CCDC12: variants seen among roughly 807,000 people sequenced by gnomAD.
CCDC12 encodes coiled-coil domain-containing protein 12.
A neutral mutation model predicts 25.7 loss-of-function variants in CCDC12; 28 were observed. The ratio of observed to expected loss-of-function variants is 1.09; its 90% CI spans 0.81 to 1.50. The LOEUF (loss-of-function observed/expected upper bound fraction) is 1.50, where lower values mean the gene tolerates loss of function less well. Ranked by LOEUF, CCDC12 falls within the 40% of genes most tolerant of loss-of-function variation. The pLI is 0.00. For missense variants in CCDC12, 198 were observed against 210.0 expected, an observed-to-expected ratio of 0.94 and a Z score of 0.35; for synonymous variants, 75 against 87.7, an observed-to-expected ratio of 0.86 and a Z score of 0.81.
At chr3:46,936,428 T>C (rs1174074977) in intron 2 of CCDC12, among the ~76,000 whole-genome samples, 2 of 152,278 alleles carry the variant, frequency 1.3e-5, no homozygotes, top group Admixed American at 1.3e-4. Flanking sequence ...GCCTTCCTTC[T>C]GCCCAGAGCC....
chr3:46,925,663 A>T (rs1347090485), intron 2 of CCDC12, 128 bp from the exon 3 acceptor site: 21 of 801,388 alleles, frequency 2.6e-5, no homozygotes, highest in Non-Finnish European at 3.5e-5. Flanking sequence ...ATAGCCTGGT[A>T]AGGAGGAGAA....
intron 2 of CCDC12, 95 bp from the exon 3 acceptor site, chr3:46,925,630 A>T (rs1174010220): frequency 2.9e-6 from 3 of 1,043,900 alleles, no homozygotes; most frequent in African/African-American, 3.2e-5. Context: ...TGAATTCCTG[A>T]ATTTCCTCTG....
At chr3:46,962,210 G>A (rs1345730638) in intron 1 of CCDC12, among the ~76,000 whole-genome samples, 1 of 152,024 alleles carries the variant, frequency 6.6e-6, no homozygotes, top group Admixed American at 6.6e-5. Context: ...GAGGGGGGTG[G>A]ATCATCTGAG....
chr3:46,927,114 G>C (rs1325868382), intron 2 of CCDC12, among the ~76,000 whole-genome samples: 1 of 152,130 alleles, frequency 6.6e-6, no homozygotes, highest in African/African-American at 2.4e-5. Flanking sequence ...TGGAGCCTTG[G>C]GGCTGGGCTG....
chr3:46,979,861 C>T (rs1214416565), upstream of CCDC12: 4 of 468,478 alleles, frequency 8.5e-6, no homozygotes, highest in South Asian at 1.5e-4. Context: ...CGGGCCGGGC[C>T]ATGGCCGCCT....
chr3:46,944,082 T>C (rs943663018), intron 1 of CCDC12, among the ~76,000 whole-genome samples: 2 of 152,150 alleles, frequency 1.3e-5, no homozygotes, highest in African/African-American at 4.8e-5. Flanking sequence ...AGCTCACCCC[T>C]ACCTGAGAGA....
intron 2 of CCDC12, among the ~76,000 whole-genome samples, chr3:46,938,518 G>GTTTTTTTTT (rs66474878): frequency 3.3e-5 from 3 of 91,380 alleles, no homozygotes; most frequent in Non-Finnish European, 6.1e-5. Context: ...TTCCCCTCCT[G>GTTTTTTTTT]TTTTTTTTTT....
At chr3:46,975,815 G>C (rs181512301) in intron 1 of CCDC12, among the ~76,000 whole-genome samples, 92 of 141,300 alleles carry the variant, frequency 6.5e-4, no homozygotes, top group Middle Eastern at 4.6e-3. Context: ...GTGAGCCACC[G>C]CGCCCGGCTA....
chr3:46,973,708 G>A (rs1247199305), intron 1 of CCDC12, among the ~76,000 whole-genome samples: 1 of 148,002 alleles, frequency 6.8e-6, no homozygotes, highest in African/African-American at 2.5e-5. Context: ...CGCCTCCCAG[G>A]TTCACGTCAT....
At chr3:46,977,869 G>A (rs949999366), upstream of CCDC12, among the ~76,000 whole-genome samples, 4 of 152,230 alleles carry the variant, frequency 2.6e-5, no homozygotes, top group African/African-American at 9.6e-5. Context: ...TGGCTACCCA[G>A]CAGAAGCTGC....
chr3:46,927,289 G>A (rs2033003653), intron 2 of CCDC12, among the ~76,000 whole-genome samples: 1 of 152,182 alleles, frequency 6.6e-6, no homozygotes, highest in South Asian at 2.1e-4. Context: ...GACAAAGTGG[G>A]GCATGACTGG....
At chr3:46,942,854 T>C (rs762843950) in intron 1 of CCDC12, among the ~76,000 whole-genome samples, 3 of 151,824 alleles carry the variant, frequency 2.0e-5, no homozygotes, top group African/African-American at 2.4e-5. Context: ...CTGGGCAGAA[T>C]TGGGTGATAC....
intron 1 of CCDC12, among the ~76,000 whole-genome samples, chr3:46,975,471 C>T (rs570627106): frequency 6.6e-6 from 1 of 151,856 alleles, no homozygotes; most frequent in Non-Finnish European, 1.5e-5. Context: ...AGCCATTGTG[C>T]CCGGCCCTCG....
intron 1 of CCDC12, among the ~76,000 whole-genome samples, chr3:46,950,859 G>A (rs182927496): frequency 1.3e-5 from 2 of 152,222 alleles, no homozygotes; most frequent in Admixed American, 1.3e-4. Context: ...CAACAACATG[G>A]ACAAATCTGG....
At chr3:46,937,637 C>T (rs2033504880) in intron 2 of CCDC12, among the ~76,000 whole-genome samples, 1 of 152,218 alleles carries the variant, frequency 6.6e-6, no homozygotes, top group Non-Finnish European at 1.5e-5. Context: ...AATCAGCTCC[C>T]AATCCATAAG....
intron 2 of CCDC12, among the ~76,000 whole-genome samples, chr3:46,935,886 A>G (rs1025250484): frequency 6.6e-6 from 1 of 152,258 alleles, no homozygotes; most frequent in African/African-American, 2.4e-5. Context: ...CTATAGATTC[A>G]ATGCAATTCT....
chr3:46,954,668 G>A (rs1426521506), intron 1 of CCDC12, among the ~76,000 whole-genome samples: 3 of 141,726 alleles, frequency 2.1e-5, no homozygotes, highest in African/African-American at 3.2e-5. Flanking sequence ...CTCACGCCTG[G>A]TAATCCCAGC....
At chr3:46,966,674 G>A (rs937966010) in intron 1 of CCDC12, among the ~76,000 whole-genome samples, 1 of 152,120 alleles carries the variant, frequency 6.6e-6, no homozygotes, top group African/African-American at 2.4e-5. Flanking sequence ...TCAGACTGGC[G>A]CTACCCTCCT....
At chr3:46,931,460 G>A (rs560506809) in intron 2 of CCDC12, among the ~76,000 whole-genome samples, 1 of 152,294 alleles carries the variant, frequency 6.6e-6, no homozygotes, top group African/African-American at 2.4e-5. Flanking sequence ...TGGCAAACTG[G>A]CCTCAAAGCC....
Sources: allele counts gnomAD v4.1 joint callset (sites outside exome capture counted in the v4.1 genomes callset), GRCh38; gene constraint gnomAD v4.1.1; transcripts MANE v1.5; gene names NCBI Gene and HGNC (gene_info 2026-07-23, HGNC 2026-07-21).